PALM2AKAP2: variants seen among roughly 807,000 people sequenced by gnomAD.
The protein encoded by PALM2AKAP2 is PALM2-AKAP2 fusion protein.
Under a neutral mutation model 71.5 loss-of-function variants are expected in PALM2AKAP2, and 37 were observed. That is an observed-to-expected ratio of 0.52 (90% CI 0.40 to 0.68). PALM2AKAP2 has a LOEUF of 0.68. Among genes scored for constraint, PALM2AKAP2 ranks in the 30% least tolerant of loss-of-function variants. PALM2AKAP2 has a pLI of 0.00. For synonymous variants in PALM2AKAP2, 468 were observed against 478.8 expected (o/e 0.98, Z 0.29); for missense variants, 1,224 against 1,191.8 (o/e 1.03, Z -0.40).
At chr9:109,688,929 T>C (rs1398093955) in intron 1 of PALM2AKAP2, among the ~76,000 whole-genome samples, 1 of 152,188 alleles carries the variant, frequency 6.6e-6, no homozygotes, top group East Asian at 1.9e-4. Flanking sequence ...TTTTCTGCAA[T>C]AATCGATTAT....
chr9:110,001,029 T>G (rs1187927792), intron 6 of PALM2AKAP2, among the ~76,000 whole-genome samples: 1 of 152,238 alleles, frequency 6.6e-6, no homozygotes, highest in Non-Finnish European at 1.5e-5. Context: ...TAGATCCCAT[T>G]TGTCAATTTT....
At chr9:110,097,599 G>A in intron 1 of PALM2AKAP2, among the ~76,000 whole-genome samples, 1 of 149,836 alleles carries the variant, frequency 6.7e-6, no homozygotes, top group African/African-American at 2.5e-5. Context: ...TTCCTAGATG[G>A]GATGGCGGCC....
At chr9:110,097,312 C>G (rs1834872074) in intron 1 of PALM2AKAP2, among the ~76,000 whole-genome samples, 1 of 148,706 alleles carries the variant, frequency 6.7e-6, no homozygotes, top group Non-Finnish European at 1.5e-5. Flanking sequence ...AAGAATTTTT[C>G]TTAGTACAGA....
intron 1 of PALM2AKAP2, among the ~76,000 whole-genome samples, chr9:109,763,461 GA>G (rs1470482110): frequency 6.6e-6 from 1 of 152,208 alleles, no homozygotes. Context: ...AGATGGGAAT[GA>G]TACTACCATA....
intron 6 of PALM2AKAP2, among the ~76,000 whole-genome samples, chr9:109,992,954 T>TATATAG (rs779669368): frequency 3.2e-4 from 45 of 142,724 alleles, no homozygotes; most frequent in African/African-American, 1.0e-3. Flanking sequence ...TATATATATA[T>TATATAG]AGAGAGAGAG....
chr9:109,751,628 A>G (rs1455131292), intron 1 of PALM2AKAP2, among the ~76,000 whole-genome samples: 2 of 152,160 alleles, frequency 1.3e-5, no homozygotes, highest in Non-Finnish European at 2.9e-5. Flanking sequence ...GGAGTTTTGC[A>G]GCAGTTTGAG....
exon 2 of PALM2AKAP2, chr9:110,136,180 C>T: frequency 6.2e-7 from 1 of 1,611,660 alleles, no homozygotes; most frequent in Non-Finnish European, 8.5e-7. Context: ...AGGGAGACAA[C>T]TATAGTGCCA....
chr9:110,079,252 T>C (rs570651027), intron 1 of PALM2AKAP2, among the ~76,000 whole-genome samples: 2 of 152,196 alleles, frequency 1.3e-5, no homozygotes, highest in East Asian at 1.9e-4. Context: ...TCCTAGCACT[T>C]TGGGAGGCCG....
At chr9:110,085,514 A>G (rs992400002) in intron 1 of PALM2AKAP2, among the ~76,000 whole-genome samples, 3 of 151,456 alleles carry the variant, frequency 2.0e-5, no homozygotes, top group Non-Finnish European at 4.4e-5. Context: ...ACCGATCTGG[A>G]ACTTTGGGCC....
chr9:109,944,578 T>C (rs940591561), intron 6 of PALM2AKAP2: 1 of 152,168 alleles, frequency 6.6e-6, no homozygotes, highest in African/African-American at 2.4e-5. Flanking sequence ...AAAAAAACTT[T>C]AAAAAACTTT....
intron 1 of PALM2AKAP2, among the ~76,000 whole-genome samples, chr9:109,863,478 G>C (rs116449503): frequency 6.6e-6 from 1 of 152,156 alleles, no homozygotes; most frequent in Non-Finnish European, 1.5e-5. Flanking sequence ...GAGTTTGGGG[G>C]AGTGACTATG....
chr9:109,833,632 T>C (rs1828372153), intron 1 of PALM2AKAP2, among the ~76,000 whole-genome samples: 1 of 152,200 alleles, frequency 6.6e-6, no homozygotes, highest in South Asian at 2.1e-4. Flanking sequence ...TGGGGAGTTA[T>C]TGGTCAACAT....
At chr9:109,700,280 C>G (rs574589892) in intron 1 of PALM2AKAP2, among the ~76,000 whole-genome samples, 1 of 152,060 alleles carries the variant, frequency 6.6e-6, no homozygotes, top group Non-Finnish European at 1.5e-5. Context: ...GTGCTGCTCT[C>G]CTGATACTGA....
chr9:109,860,750 C>T (rs906466355), intron 1 of PALM2AKAP2, among the ~76,000 whole-genome samples: 2 of 152,162 alleles, frequency 1.3e-5, no homozygotes, highest in Non-Finnish European at 2.9e-5. Flanking sequence ...AGCATCCCCA[C>T]CCATTCCCTT....
At chr9:109,682,176 G>A (rs900681165) in intron 1 of PALM2AKAP2, among the ~76,000 whole-genome samples, 1 of 152,204 alleles carries the variant, frequency 6.6e-6, no homozygotes, top group African/African-American at 2.4e-5. Context: ...CTAATGAGAA[G>A]TGCATGGATT....
chr9:110,165,506 T>C (rs1836712942), intron 3 of PALM2AKAP2, among the ~76,000 whole-genome samples: 3 of 152,234 alleles, frequency 2.0e-5, no homozygotes, highest in Non-Finnish European at 4.4e-5. Flanking sequence ...TATTTTCTTG[T>C]CTGTGCCATT....
chr9:109,954,678 AAAAGAAGT>A (rs1472545081), intron 6 of PALM2AKAP2, among the ~76,000 whole-genome samples: 1,732 of 150,616 alleles, frequency 0.011, 35 homozygotes, highest in African/African-American at 0.04. Flanking sequence ...AAAAAAAAAA[AAAAGAAGT>A]TAAGGTTGCA....
chr9:109,686,758 T>A (rs751519914), intron 1 of PALM2AKAP2, among the ~76,000 whole-genome samples: 5 of 152,178 alleles, frequency 3.3e-5, no homozygotes, highest in Admixed American at 6.5e-5. Context: ...ACATGTGCCA[T>A]GTTGGTGTGC....
At chr9:110,090,323 C>A in intron 1 of PALM2AKAP2, 1 of 456,224 alleles carries the variant, frequency 2.2e-6, no homozygotes, top group Non-Finnish European at 4.4e-6. Context: ...GAAACTGGGA[C>A]GAAGCTGTAG....
Sources: gnomAD v4.1 joint callset for allele counts (sites outside exome capture counted in the v4.1 genomes callset) on GRCh38, gnomAD v4.1.1 for gene constraint, MANE v1.5 for transcripts, NCBI Gene and HGNC (gene_info 2026-07-23, HGNC 2026-07-21) for gene names.